The following UROD variants were observed in gnomAD, a reference collection of about 807,000 sequenced individuals.
UROD encodes the protein uroporphyrinogen decarboxylase, also known as uroporphyrinogen III decarboxylase.
In UROD, 34 loss-of-function variants were observed where a neutral mutation model predicts 47.1. That is an observed-to-expected ratio of 0.72 (90% CI 0.55 to 0.96). The LOEUF (loss-of-function observed/expected upper bound fraction) is 0.96. Ranked by LOEUF, UROD falls within the 40% of genes least tolerant of loss-of-function variation. The probability of loss-of-function intolerance (pLI) is 0.00; values close to 1 mark genes in which losing one functional copy is unlikely to be tolerated. For synonymous variants in UROD, 148 were observed against 175.8 expected (o/e 0.84, Z 1.25); for missense variants, 381 against 471.8 (o/e 0.81, Z 1.78).
intron 1 of UROD, 60 bp downstream of exon 1, chr1:45,012,345 C>A: frequency 1.2e-6 from 2 of 1,612,960 alleles, no homozygotes; most frequent in Non-Finnish European, 1.7e-6. Flanking sequence ...TCTTCCAACT[C>A]AGGACTCTAT....
At chr1:45,012,747 A>T in intron 1 of UROD, 160 bp from the exon 2 acceptor site, 1 of 1,459,528 alleles carries the variant, frequency 6.9e-7, no homozygotes, top group Non-Finnish European at 9.3e-7. Flanking sequence ...ACCACCTGAT[A>T]GGCAGAGAGG....
rs1644817913 is a variant in UROD at position 45,013,136 on chromosome 1, A to G, written c.134A>G (p.Glu45Gly). 4 of 1,614,000 alleles carry G rather than the reference A, an allele frequency of 2.5e-6. No individual in the cohort carries two copies. The highest frequency in any genetic ancestry group is 3.4e-6 in the Non-Finnish European group (4 of 1,180,034). Reference protein sequence around the residue: ...CMRQAGRYLPEFRETRAAQDF... With the variant: ...CMRQAGRYLPGFRETRAAQDF... ...AGCCCTGTCTTCCCTCTGTATGCAG[A>G]GTTTAGGGAAACCCGGGCTGCCCAG... is the stretch of plus-strand genomic sequence containing the variant. Residue 45 changes from glutamate to glycine, a missense_variant and splice_region_variant, in exon 3 of 10, where the codon GAG becomes GGG. By Grantham distance (98) the Glu-to-Gly change is moderately conservative. Coordinates refer to ENST00000246337, the MANE Select transcript of UROD (RefSeq NM_000374.5). The surrounding 1 kb of genome is among the most constrained non-coding windows in gnomAD (Gnocchi z 4.2).
Position 45,012,265 on chromosome 1 carries a change from C to T in UROD, c.-1C>T, listed in dbSNP as rs886046364. 6.2e-7 allele frequency: 1 copy of T among 1,613,982 alleles called. No individual in the cohort carries two copies. The highest frequency in any genetic ancestry group is 8.5e-7 in the Non-Finnish European group (1 of 1,180,020). ...GAGCTCGCAGTTACAGACAGCTGAC[C>T]ATGGAAGCGAATGGGTTGGGGTGAG... On this transcript the variant is annotated 5_prime_UTR_variant, in exon 1 of 10. Transcript: ENST00000246337.
chr1:45,015,058 T>C (rs1435468841), intron 9 of UROD, 52 bp downstream of exon 9: 3 of 1,610,664 alleles, frequency 1.9e-6, no homozygotes, highest in Admixed American at 1.7e-5. Context: ...CCTGTGGCTG[T>C]GGCTGTATTA....
chr1:45,014,626 C>A, intron 7 of UROD, 50 bp downstream of exon 7: 1 of 1,613,896 alleles, frequency 6.2e-7, no homozygotes, highest in Non-Finnish European at 8.5e-7. Flanking sequence ...AGCTTTCAGG[C>A]TAAGTCCTGC....
At position 45,013,715 on chromosome 1, in the gene UROD, A is replaced by C; in HGVS notation, c.398A>C (p.Tyr133Ser). The C allele has an allele frequency of 6.2e-7, 1 of 1,614,114 alleles. No individual in the cohort carries two copies. Among genetic ancestry groups the C allele is most frequent in the Non-Finnish European group, 8.5e-7 (1 of 1,180,024 alleles). ...GAAGTGGTAGCCTCTGAGCTAGGCTATGTGTTCCAAGCCATCACCCTTACC... is the reference window on the plus strand; with the variant it reads ...GAAGTGGTAGCCTCTGAGCTAGGCTCTGTGTTCCAAGCCATCACCCTTACC... ...DPEVVASELGYVFQAITLTRQ... is the reference protein window; with the variant it reads ...DPEVVASELGSVFQAITLTRQ... The change falls in exon 5 of 10, where the codon TAT (tyrosine) becomes TCT (serine). Residue 133 changes from tyrosine (Y) to serine (S), a missense_variant. Tyr to Ser is a moderately radical substitution (Grantham distance 144). Coordinates refer to ENST00000246337, the MANE Select transcript of UROD (RefSeq NM_000374.5). The surrounding 1 kb of genome is among the most constrained non-coding windows in gnomAD (Gnocchi z 4.2).
Position 45,013,998 on chromosome 1 carries a change from T to C in UROD, c.564T>C (p.Ser188=), listed in dbSNP as rs954955531. 1 of 1,614,236 alleles carries C rather than the reference T, an allele frequency of 6.2e-7. No homozygotes were observed. Among genetic ancestry groups the C allele is most frequent in the South Asian group, 1.1e-5 (1 of 91,086 alleles). ...GGCTCTATCAGAGACCTCAGGCTAGTCACCAGCTGCTTCGCATCCTCACTG... is the reference window on the plus strand; with the variant it reads ...GGCTCTATCAGAGACCTCAGGCTAGCCACCAGCTGCTTCGCATCCTCACTG... ...KRWLYQRPQA[S]HQLLRILTDA... The change falls in exon 6 of 10, where the codon AGT becomes AGC. Residue 188 remains serine (S), a synonymous_variant. Coordinates refer to ENST00000246337, the MANE Select transcript of UROD (RefSeq NM_000374.5). This position sits in a 1 kb window ranked among gnomAD's most constrained non-coding sequence, Gnocchi z 4.2.
intron 1 of UROD, chr1:45,012,551 T>C (rs1644809918): frequency 1.6e-6 from 1 of 623,098 alleles, no homozygotes; most frequent in African/African-American, 1.8e-5. Context: ...AGCCTGGGTA[T>C]TTCTCAGCCC....
In UROD at chr1:45,012,993, T is replaced by G. The variant is rs1209490842; in HGVS notation, c.107T>G (p.Met36Arg). 1 of 1,613,934 alleles carries G rather than the reference T, an allele frequency of 6.2e-7. No individual in the cohort carries two copies. Among genetic ancestry groups the G allele is most frequent in the Non-Finnish European group, 8.5e-7 (1 of 1,180,010 alleles). Residue 36 changes from methionine to arginine, a missense_variant, in exon 2 of 10, where the codon ATG (methionine) becomes AGG (arginine). Transcript: ENST00000246337. ...ACAGACTACACTCCCGTTTGGTGCA[T>G]GCGCCAGGCAGGCCGTTACTTACCA... ...EETDYTPVWC[M>R]RQAGRYLPEF...
rs778710452 is a variant in UROD, at chr1:45,012,883, C to T, written c.21-24C>T. On this transcript the variant is annotated intron_variant, in intron 1 of 9. Transcript: ENST00000246337. Reference sequence around the variant, plus strand: ...CTCCAGCGTAGCATACTGACACCTACCCCCACCCCCACCTGATCGCCAGAC... The same window carrying T: ...CTCCAGCGTAGCATACTGACACCTATCCCCACCCCCACCTGATCGCCAGAC... 2.5e-6 allele frequency: 4 copies of T among 1,612,938 alleles called. No individual in the cohort carries two copies. In the East Asian group the frequency reaches 8.9e-5, roughly 36 times the overall value.
chr1:45,013,197 C>T lies in UROD; in HGVS notation c.195C>T (p.Cys65=). 6.2e-7 allele frequency: 1 copy of T among 1,614,188 alleles called. No individual in the cohort carries two copies. Among genetic ancestry groups the T allele is most frequent in the Non-Finnish European group, 8.5e-7 (1 of 1,180,032 alleles). The change falls in exon 3 of 10, where the codon TGC becomes TGT. Residue 65 remains cysteine, a synonymous_variant. Transcript: ENST00000246337. This position sits in a 1 kb window ranked among gnomAD's most constrained non-coding sequence, Gnocchi z 4.2. ...FFSTCRSPEA[C]CELTLQPLRR... The stretch of plus-strand genomic sequence containing the variant: ...GCACGTGTCGCTCTCCTGAGGCCTG[C>T]TGTGAACTGACTCTGCAGGTGAGGG...
At chr1:45,015,033 C>CT in intron 9 of UROD, 27 bp downstream of exon 9, 1 of 1,612,680 alleles carries the variant, frequency 6.2e-7, no homozygotes, top group Middle Eastern at 2.0e-4. Flanking sequence ...CTCTGTGTGT[C>CT]TGTTACTGTG....
chr1:45,012,889 C>T lies in UROD; in HGVS notation c.21-18C>T. The T allele has an allele frequency of 6.2e-7, 1 of 1,613,436 alleles. No homozygotes were observed. Among genetic ancestry groups the T allele is most frequent in the East Asian group, 2.2e-5 (1 of 44,884 alleles). On this transcript the variant is annotated intron_variant, in intron 1 of 9. Transcript: ENST00000246337. Reference sequence around the variant, plus strand: ...CGTAGCATACTGACACCTACCCCCACCCCCACCTGATCGCCAGACCTCAGG... The same window carrying T: ...CGTAGCATACTGACACCTACCCCCATCCCCACCTGATCGCCAGACCTCAGG...
chr1:45,013,940 G>A lies in UROD; in HGVS notation c.506G>A (p.Gly169Asp). ...WTLMTYMVEG[G>D]GSSTMAQAKR... ...CTGATGACATACATGGTTGAGGGTG[G>A]TGGCTCAAGCACCATGGCTCAGGCC... Residue 169 changes from glycine (G) to aspartate (D), a missense_variant, in exon 6 of 10, where the codon GGT becomes GAT. Transcript: ENST00000246337. The surrounding 1 kb of genome is among the most constrained non-coding windows in gnomAD (Gnocchi z 4.2). 1 of 1,614,228 alleles carries A rather than the reference G, an allele frequency of 6.2e-7. No homozygotes were observed. The highest frequency in any genetic ancestry group is 8.5e-7 in the Non-Finnish European group (1 of 1,180,052).
chr1:45,012,803 A>T, intron 1 of UROD, 104 bp from the exon 2 acceptor site: 1 of 1,558,352 alleles, frequency 6.4e-7, no homozygotes, highest in Admixed American at 1.9e-5. Flanking sequence ...GGCCTGGAGG[A>T]GGTAGATAGC....
Position 45,014,067 on chromosome 1 carries a change from C to G in UROD, c.633C>G (p.Ala211=), listed in dbSNP as rs1274192376. The G allele has an allele frequency of 6.2e-7, 1 of 1,613,988 alleles. No homozygotes were observed. Among genetic ancestry groups the G allele is most frequent in the African/African-American group, 1.3e-5 (1 of 74,906 alleles). ...PYLVGQVVAG[A]QALQLFESHA... ...TGGTAGGACAAGTGGTGGCTGGTGC[C>G]CAGGTGAGTCCTGAGAGAGAGAGAA... is the stretch of plus-strand genomic sequence containing the variant. Residue 211 remains alanine (A), a synonymous_variant, in exon 6 of 10, where the codon GCC becomes GCG. Coordinates refer to ENST00000246337, the MANE Select transcript of UROD (RefSeq NM_000374.5).
chr1:45,014,662 C>T (rs947188127), intron 7 of UROD, 74 bp from the exon 8 acceptor site: 20 of 1,613,384 alleles, frequency 1.2e-5, no homozygotes, highest in Non-Finnish European at 1.5e-5. Flanking sequence ...CACTGGAGGG[C>T]AGCAGAAGTA....
chr1:45,015,385 C>G lies in UROD; in HGVS notation c.991C>G (p.His331Asp), dbSNP rs761344383. Residue 331 changes from histidine (H) to aspartate (D), a missense_variant, in exon 10 of 10, where the codon CAT (histidine) becomes GAT (aspartate). Transcript: ENST00000246337. ...VKQMLDDFGPHRYIANLGHGL... is the reference protein window; with the variant it reads ...VKQMLDDFGPDRYIANLGHGL... ...GCAGATGCTGGATGACTTTGGACCA[C>G]ATCGCTACATTGCCAACCTGGGCCA... is the stretch of plus-strand genomic sequence containing the variant. 8 of 1,614,082 alleles carry G rather than the reference C, an allele frequency of 5.0e-6. No individual in the cohort carries two copies. Among genetic ancestry groups the G allele is most frequent in the Non-Finnish European group, 5.9e-6 (7 of 1,180,054 alleles).
chr1:45,014,454 G>C lies in UROD; in HGVS notation c.652G>C (p.Glu218Gln). The stretch of plus-strand genomic sequence containing the variant: ...CCCTAACTAGGCATTGCAGCTGTTT[G>C]AGTCCCATGCAGGGCATCTTGGCCC... ...VAGAQALQLF[E>Q]SHAGHLGPQL... is the part of the protein sequence containing the mutation. The change falls in exon 7 of 10, where the codon GAG (glutamate) becomes CAG (glutamine). Residue 218 changes from glutamate (E) to glutamine (Q), a missense_variant. Transcript: ENST00000246337. 6.2e-7 allele frequency: 1 copy of C among 1,614,198 alleles called. No homozygotes were observed. The highest frequency in any genetic ancestry group is 8.5e-7 in the Non-Finnish European group (1 of 1,180,036).
Sources: gnomAD v4.1 joint callset for allele counts on GRCh38, gnomAD v4.1.1 for gene constraint, Gnocchi (gnomAD v3.1) non-coding constraint, MANE v1.5 for transcripts, NCBI Gene and HGNC (gene_info 2026-07-23, HGNC 2026-07-21) for gene names.